The following NRG3 variants were observed in gnomAD, a reference collection of about 807,000 sequenced individuals.
NRG3 encodes the protein pro-neuregulin-3, membrane-bound isoform.
NRG3 carries 31 observed loss-of-function variants against 66.9 expected under a neutral mutation model. That is an observed-to-expected ratio of 0.46 (90% CI 0.35 to 0.63). The LOEUF is 0.63. Among genes scored for constraint, NRG3 ranks in the 20% least tolerant of loss-of-function variants. NRG3 has a pLI of 0.00. For missense variants in NRG3, 910 were observed against 878.9 expected, an observed-to-expected ratio of 1.04 and a Z score of -0.45; for synonymous variants, 393 against 359.4, an observed-to-expected ratio of 1.09 and a Z score of -1.06.
intron 1 of NRG3, among the ~76,000 whole-genome samples, chr10:82,117,154 A>G (rs1450206095): frequency 6.6e-6 from 1 of 152,038 alleles, no homozygotes; most frequent in East Asian, 1.9e-4. Flanking sequence ...CCTCTGGGGA[A>G]CTTTCCAACT....
intron 1 of NRG3, among the ~76,000 whole-genome samples, chr10:82,074,517 C>G (rs1434759925): frequency 6.6e-6 from 1 of 152,154 alleles, no homozygotes; most frequent in African/African-American, 2.4e-5. Flanking sequence ...GCAGAAATCT[C>G]ATTGGAGAGG....
chr10:82,711,346 TAA>T (rs1346841061), intron 2 of NRG3, among the ~76,000 whole-genome samples: 2 of 152,038 alleles, frequency 1.3e-5, no homozygotes, highest in Non-Finnish European at 2.9e-5. Flanking sequence ...CTTTGCCTCC[TAA>T]AGTGCTGGGA....
rs117472812 is a variant in NRG3 at position 82,902,696 on chromosome 10, A to T, written c.1054+37259A>T. On this transcript the variant is annotated intron_variant, in intron 4 of 8. Transcript: ENST00000372141. ...GAACTTTGTTTCTGTATACATTATT[A>T]TATGTATTATATATGTGTATATACA... Among the ~76,000 whole-genome samples the T allele has an allele frequency of 9.1e-3, 1,386 of 152,244 alleles. 6 individuals are homozygous for T. The highest frequency in any genetic ancestry group is 0.027 in the Middle Eastern group (8 of 292).
At chr10:82,258,218 T>C (rs1161664827) in intron 1 of NRG3, among the ~76,000 whole-genome samples, 1 of 152,242 alleles carries the variant, frequency 6.6e-6, no homozygotes, top group East Asian at 1.9e-4. Context: ...ATATTGGTCA[T>C]GAATGGAACG....
chr10:82,448,016 G>A (rs1200165281), intron 2 of NRG3, among the ~76,000 whole-genome samples: 1 of 152,180 alleles, frequency 6.6e-6, no homozygotes, highest in Non-Finnish European at 1.5e-5. Context: ...GTAAATGAGG[G>A]ATGGTGACGA....
intron 1 of NRG3, among the ~76,000 whole-genome samples, chr10:82,251,590 G>A (rs982847529): frequency 6.6e-6 from 1 of 152,072 alleles, no homozygotes; most frequent in East Asian, 1.9e-4. Context: ...CATGAAGGTG[G>A]TAGATCCTGG....
intron 1 of NRG3, among the ~76,000 whole-genome samples, chr10:82,350,279 G>A (rs568558624): frequency 6.6e-6 from 1 of 152,262 alleles, no homozygotes; most frequent in South Asian, 2.1e-4. Context: ...CTATGATGTT[G>A]GTATAATTTT....
intron 4 of NRG3, among the ~76,000 whole-genome samples, chr10:82,910,134 T>C (rs1463382126): frequency 1.3e-5 from 2 of 152,148 alleles, no homozygotes; most frequent in African/African-American, 2.4e-5. Context: ...TATAGAGAAC[T>C]GTGAAGATTC....
chr10:82,959,996 T>A (rs993212282), intron 6 of NRG3, among the ~76,000 whole-genome samples: 1 of 152,188 alleles, frequency 6.6e-6, no homozygotes, highest in African/African-American at 2.4e-5. Flanking sequence ...ACAAAGGCCA[T>A]TGCATAAACC....
At chr10:82,133,037 AT>A (rs1342300158) in intron 1 of NRG3, among the ~76,000 whole-genome samples, 2 of 151,184 alleles carry the variant, frequency 1.3e-5, no homozygotes, top group Non-Finnish European at 3.0e-5. Flanking sequence ...GATTTTTTGT[AT>A]TTTTTATTTC....
chr10:82,831,829 A>G (rs2062541526), intron 3 of NRG3, among the ~76,000 whole-genome samples: 4 of 152,098 alleles, frequency 2.6e-5, no homozygotes, highest in Non-Finnish European at 5.9e-5. Flanking sequence ...TATTTGCTCT[A>G]GGGCATGCAG....
At chr10:81,958,570 A>G (rs1409601014) in intron 1 of NRG3, among the ~76,000 whole-genome samples, 3 of 152,150 alleles carry the variant, frequency 2.0e-5, no homozygotes. Flanking sequence ...AAAAAATTTT[A>G]CTCATATGCG....
chr10:82,553,706 G>A (rs552269415), intron 2 of NRG3, among the ~76,000 whole-genome samples: 1 of 152,264 alleles, frequency 6.6e-6, no homozygotes, highest in African/African-American at 2.4e-5. Context: ...ACTCACGGAA[G>A]TCTGAATGAG....
intron 1 of NRG3, among the ~76,000 whole-genome samples, chr10:82,065,080 T>C (rs2064375731): frequency 6.6e-6 from 1 of 152,216 alleles, no homozygotes; most frequent in African/African-American, 2.4e-5. Flanking sequence ...CAATATACTT[T>C]ATCATTCCAA....
chr10:82,708,435 G>A (rs1472897417), intron 2 of NRG3, among the ~76,000 whole-genome samples: 1 of 152,134 alleles, frequency 6.6e-6, no homozygotes, highest in Admixed American at 6.6e-5. Context: ...GTACCCAATA[G>A]GTGGTTTTGT....
intron 1 of NRG3, among the ~76,000 whole-genome samples, chr10:82,202,539 C>T (rs187183372): frequency 3.6e-4 from 55 of 151,974 alleles, no homozygotes; most frequent in South Asian, 6.3e-4. Context: ...ACTGAGTAAA[C>T]TTACATTATT....
chr10:82,662,746 T>C (rs2052464399), intron 2 of NRG3, among the ~76,000 whole-genome samples: 1 of 152,118 alleles, frequency 6.6e-6, no homozygotes, highest in African/African-American at 2.4e-5. Flanking sequence ...CAAAAAAGCT[T>C]GGGCAGGGTA....
intron 2 of NRG3, among the ~76,000 whole-genome samples, chr10:82,693,681 G>T (rs1443727933): frequency 6.6e-6 from 1 of 152,168 alleles, no homozygotes; most frequent in Non-Finnish European, 1.5e-5. Context: ...TGAAGCCACG[G>T]ACCTTGCAGT....
intron 2 of NRG3, among the ~76,000 whole-genome samples, chr10:82,374,264 G>T (rs1340282881): frequency 6.6e-6 from 1 of 152,136 alleles, no homozygotes; most frequent in Non-Finnish European, 1.5e-5. Flanking sequence ...AAGAAACGTT[G>T]TATCCACATT....
Sources: allele counts gnomAD v4.1 joint callset (sites outside exome capture counted in the v4.1 genomes callset), GRCh38; gene constraint gnomAD v4.1.1; transcripts MANE v1.5; gene names NCBI Gene and HGNC (gene_info 2026-07-23, HGNC 2026-07-21).